NLGN4X: variants seen among roughly 807,000 people sequenced by gnomAD.
NLGN4X encodes neuroligin 4 X-linked.
Under a neutral mutation model 40.3 loss-of-function variants are expected in NLGN4X, and 3 were observed. That is an observed-to-expected ratio of 0.07 (90% CI 0.03 to 0.19). NLGN4X has a LOEUF of 0.19. Ranked by LOEUF, NLGN4X falls within the 10% of genes least tolerant of loss-of-function variation. The pLI is 1.00. For synonymous variants in NLGN4X, 270 were observed against 306.8 expected (o/e 0.88, Z 1.25); for missense variants, 382 against 708.3 (o/e 0.54, Z 5.23).
chrX:6,119,998 T>G (rs933226873), intron 2 of NLGN4X, among the ~76,000 whole-genome samples: 2 of 111,518 alleles, frequency 1.8e-5, no homozygotes, highest in Non-Finnish European at 3.8e-5. Context: ...TGTCACTGAT[T>G]CAGAAAATTG....
chrX:5,917,156 T>G (rs1228075120), intron 3 of NLGN4X, among the ~76,000 whole-genome samples: 1 of 112,671 alleles, frequency 8.9e-6, no homozygotes, highest in Non-Finnish European at 1.9e-5. Context: ...TAAATTGCCC[T>G]GAACACCTTG....
intron 3 of NLGN4X, among the ~76,000 whole-genome samples, chrX:5,965,587 A>G (rs1029307323): frequency 2.7e-5 from 3 of 111,913 alleles, no homozygotes; most frequent in Non-Finnish European, 5.6e-5. Flanking sequence ...ATGATGGTGG[A>G]ATGCAGTGTT....
intron 2 of NLGN4X, among the ~76,000 whole-genome samples, chrX:6,093,764 T>G (rs2038695022): frequency 1.8e-5 from 2 of 111,864 alleles, no homozygotes. Context: ...ATATTTCTAC[T>G]AATATTGGAT....
intron 2 of NLGN4X, among the ~76,000 whole-genome samples, chrX:6,102,193 C>G (rs151335393): frequency 2.4e-3 from 269 of 111,495 alleles, no homozygotes; most frequent in African/African-American, 7.9e-3. Flanking sequence ...GATGGACACC[C>G]CATTTTCTAT....
chrX:5,977,959 C>A (rs2035225437), intron 3 of NLGN4X, among the ~76,000 whole-genome samples: 1 of 111,990 alleles, frequency 8.9e-6, no homozygotes, highest in African/African-American at 3.2e-5. Flanking sequence ...GAGAAAGAAC[C>A]CTCTCTTTGA....
chrX:6,094,002 C>T lies in NLGN4X; in HGVS notation c.472+56993G>A, dbSNP rs554689627. The stretch of plus-strand genomic sequence containing the variant: ...GATCAAAAAATAGGAAAAACAGATG[C>T]CATAAACAGTTAACCGATGATTTGA... On this transcript the variant is annotated intron_variant, in intron 2 of 5. Transcript: ENST00000381095. Among the ~76,000 whole-genome samples the T allele has an allele frequency of 1.6e-4, 18 of 111,625 alleles. No individual in the cohort carries two copies. The South Asian group carries it at 6.7e-3, about 41-fold the overall frequency.
intron 3 of NLGN4X, among the ~76,000 whole-genome samples, chrX:5,974,920 T>G (rs2035130953): frequency 8.9e-6 from 1 of 111,889 alleles, no homozygotes. Context: ...AAGGGTTACT[T>G]GAGAACAAAC....
At chrX:6,023,506 T>C (rs765826169) in intron 3 of NLGN4X, among the ~76,000 whole-genome samples, 190 of 112,304 alleles carry the variant, frequency 1.7e-3, no homozygotes, top group African/African-American at 5.8e-3. Context: ...GGATGAGTTC[T>C]GAGTGGTAAG....
intron 2 of NLGN4X, among the ~76,000 whole-genome samples, chrX:6,050,561 T>C (rs1201934532): frequency 9.1e-6 from 1 of 109,758 alleles, no homozygotes; most frequent in African/African-American, 3.3e-5. Flanking sequence ...TATCTGTCTA[T>C]GCATCTATGT....
In NLGN4X at chrX:6,198,069, AC is replaced by A. The variant is rs201281328; in HGVS notation, c.-306+30471del. Among the ~76,000 whole-genome samples, 1,012 of 108,014 alleles carry A rather than the reference AC, an allele frequency of 9.4e-3. 5 individuals carry two copies. Among genetic ancestry groups the A allele is most frequent in the Middle Eastern group, 0.02 (4 of 204 alleles). 93.8% of individuals were successfully genotyped at this position (108,014 alleles called of 115,157 possible). A position where few individuals can be genotyped will look rare whatever the true frequency, so the allele number is the denominator to read the frequency against. The stretch of plus-strand genomic sequence containing the variant: ...ACAGAGTGAAGCCCTGTCTCAAAAA[AC>A]AAAAAAAATCAGCATTTATGGAACA... On this transcript the variant is annotated intron_variant, in intron 1 of 5. Coordinates refer to ENST00000381095, the MANE Select transcript of NLGN4X (RefSeq NM_181332.3).
At chrX:6,053,626 C>T in intron 2 of NLGN4X, among the ~76,000 whole-genome samples, 1 of 111,704 alleles carries the variant, frequency 9.0e-6, no homozygotes. Flanking sequence ...TTCTGATTTA[C>T]AGCATAAATC....
chrX:5,978,141 G>T (rs2035233478), intron 3 of NLGN4X, among the ~76,000 whole-genome samples: 1 of 112,095 alleles, frequency 8.9e-6, no homozygotes, highest in African/African-American at 3.2e-5. Flanking sequence ...ATCATGTTCA[G>T]AGACATAGGA....
At chrX:6,226,667 G>A (rs1440674245) in intron 1 of NLGN4X, 3 of 118,488 alleles carry the variant, frequency 2.5e-5, no homozygotes, top group African/African-American at 9.7e-5. Context: ...GCCAGGTCAG[G>A]TTGAGGGACA....
At chrX:6,113,279 T>C (rs951386732) in intron 2 of NLGN4X, among the ~76,000 whole-genome samples, 2 of 111,399 alleles carry the variant, frequency 1.8e-5, no homozygotes, top group Non-Finnish European at 3.8e-5. Flanking sequence ...TGATGTAAGG[T>C]GTTTCTAGTA....
chrX:6,224,869 C>A (rs1286173276), intron 1 of NLGN4X, among the ~76,000 whole-genome samples: 1 of 103,802 alleles, frequency 9.6e-6, no homozygotes, highest in African/African-American at 3.5e-5. Flanking sequence ...AAAAATGAAG[C>A]CTTCCATTTT....
intron 1 of NLGN4X, among the ~76,000 whole-genome samples, chrX:6,163,304 G>A (rs991203791): frequency 7.1e-5 from 8 of 111,929 alleles, no homozygotes; most frequent in Non-Finnish European, 1.5e-4. Flanking sequence ...AGAAATCCTA[G>A]CTAATTACAA....
intron 2 of NLGN4X, among the ~76,000 whole-genome samples, chrX:6,059,937 T>C (rs1483326779): frequency 8.9e-6 from 1 of 112,127 alleles, no homozygotes; most frequent in Non-Finnish European, 1.9e-5. Context: ...TACATAATTA[T>C]ATAGCTGCCT....
intron 3 of NLGN4X, among the ~76,000 whole-genome samples, chrX:5,921,666 C>T (rs1027007993): frequency 1.8e-5 from 2 of 111,571 alleles, no homozygotes; most frequent in Non-Finnish European, 3.8e-5. Flanking sequence ...ATTTAAACTG[C>T]ATAGACTCCT....
At chrX:6,157,625 T>C (rs1602336768) in intron 1 of NLGN4X, among the ~76,000 whole-genome samples, 1 of 111,456 alleles carries the variant, frequency 9.0e-6, no homozygotes, top group East Asian at 2.8e-4. Flanking sequence ...GTAGATTCAG[T>C]GTATGGTGAG....
Sources: allele counts gnomAD v4.1 joint callset (sites outside exome capture counted in the v4.1 genomes callset), GRCh38; gene constraint gnomAD v4.1.1; transcripts MANE v1.5; gene names NCBI Gene and HGNC (gene_info 2026-07-23, HGNC 2026-07-21).